TRRAP: variants seen among roughly 807,000 people sequenced by gnomAD.
TRRAP encodes transformation/transcription domain associated protein.
A neutral mutation model predicts 438.8 loss-of-function variants in TRRAP; 41 were observed. The observed-to-expected ratio is 0.09, with a 90% confidence interval of 0.07 to 0.12. The LOEUF (loss-of-function observed/expected upper bound fraction) is 0.12. TRRAP is among the 10% of genes least tolerant of loss of function. TRRAP has a pLI of 1.00. For synonymous variants in TRRAP, 1,994 were observed against 1,962.9 expected (o/e 1.02, Z -0.42); for missense variants, 3,122 against 5,055.1 (o/e 0.62, Z 11.60).
chr7:98,950,105 G>A lies in TRRAP; in HGVS notation c.5177G>A (p.Arg1726Gln), dbSNP rs1791265663. Residue 1726 changes from arginine (R) to glutamine (Q), a missense_variant, in exon 38 of 73, where the codon CGA (arginine) becomes CAA (glutamine). Arg to Gln is a conservative substitution (Grantham distance 43, BLOSUM62 1). This residue lies in a region of TRRAP where 272 missense variants were observed against 348.5 expected (regional missense o/e 0.78). Coordinates refer to ENST00000456197, the MANE Select transcript of TRRAP (RefSeq NM_001375524.1). Reference sequence around the variant, plus strand: ...ATAGAATTGCTGTTCCAGCTGCTCCGAGCCTTTACTGGTCGTTTTCTCTGC... The same window carrying A: ...ATAGAATTGCTGTTCCAGCTGCTCCAAGCCTTTACTGGTCGTTTTCTCTGC... ...GDIELLFQLL[R>Q]AFTGRFLCNM... is the part of the protein sequence containing the mutation. The A allele has an allele frequency of 1.9e-6, 3 of 1,614,206 alleles. No individual in the cohort carries two copies. The highest frequency in any genetic ancestry group is 1.1e-5 in the South Asian group (1 of 91,080).
At chr7:99,006,554 G>C (rs1299130891) in intron 69 of TRRAP, among the ~76,000 whole-genome samples, 1 of 152,140 alleles carries the variant, frequency 6.6e-6, no homozygotes, top group African/African-American at 2.4e-5. Flanking sequence ...TTTCTTTATG[G>C]GTAGACGCCA....
Position 98,967,129 on chromosome 7 carries a change from C to T in TRRAP, c.7265C>T (p.Ala2422Val). 2 of 1,613,934 alleles carry T rather than the reference C, an allele frequency of 1.2e-6. No individual in the cohort carries two copies. Among genetic ancestry groups the T allele is most frequent in the Non-Finnish European group, 1.7e-6 (2 of 1,179,952 alleles). ...TTTCCGGAAGACCTTGAATTAAATGCCCAGTTTTTAGATCTTGTTAACTAT... is the reference window on the plus strand; with the variant it reads ...TTTCCGGAAGACCTTGAATTAAATGTCCAGTTTTTAGATCTTGTTAACTAT... Reference protein sequence around the residue: ...KRFPEDLELNAQFLDLVNYVY... With the variant: ...KRFPEDLELNVQFLDLVNYVY... Residue 2422 changes from alanine (A) to valine (V), a missense_variant, in exon 50 of 73, where the codon GCC becomes GTC. Coordinates refer to ENST00000456197, the MANE Select transcript of TRRAP (RefSeq NM_001375524.1).
At position 98,900,706 on chromosome 7, in the gene TRRAP, A is replaced by C; in HGVS notation, c.883A>C (p.Ile295Leu). ...IKTLSFLAYI[I>L]RIYQELVTKY... ...AACATTGTCATTTTTAGCTTACATTATCAGGATTTACCAGGTAAGGTCATT... is the reference window on the plus strand; with the variant it reads ...AACATTGTCATTTTTAGCTTACATTCTCAGGATTTACCAGGTAAGGTCATT... The change falls in exon 11 of 73, where the codon ATC becomes CTC. Residue 295 changes from isoleucine to leucine, a missense_variant. This residue lies in a region of TRRAP where 343 missense variants were observed against 564.0 expected (regional missense o/e 0.61). Transcript: ENST00000456197. 1 of 1,613,234 alleles carries C rather than the reference A, an allele frequency of 6.2e-7. No individual in the cohort carries two copies. The highest frequency in any genetic ancestry group is 8.5e-7 in the Non-Finnish European group (1 of 1,179,846).
At chr7:99,006,151 G>A (rs1220904146) in intron 69 of TRRAP, among the ~76,000 whole-genome samples, 2 of 152,128 alleles carry the variant, frequency 1.3e-5, no homozygotes, top group African/African-American at 4.8e-5. Context: ...TGAGTGGCCT[G>A]ATTGTACCGG....
In TRRAP at chr7:98,956,372, A is replaced by G. The variant is rs1791611481; in HGVS notation, c.6097-27A>G. 1.9e-6 allele frequency: 3 copies of G among 1,613,562 alleles called. No homozygotes were observed. Among genetic ancestry groups the G allele is most frequent in the Non-Finnish European group, 2.5e-6 (3 of 1,179,706 alleles). On this transcript the variant is annotated intron_variant, in intron 42 of 72. Coordinates refer to ENST00000456197, the MANE Select transcript of TRRAP (RefSeq NM_001375524.1). This position sits in a 1 kb window ranked among gnomAD's most constrained non-coding sequence, Gnocchi z 4.5. ...GACTTCTCCCTAGAAATCAGTCAGTAAAACCAAGCGCCTGTGTGTTTTTAA... is the reference window on the plus strand; with the variant it reads ...GACTTCTCCCTAGAAATCAGTCAGTGAAACCAAGCGCCTGTGTGTTTTTAA...
chr7:98,983,212 G>A (rs558838033), intron 59 of TRRAP, 52 bp from the exon 60 acceptor site: 34 of 1,498,646 alleles, frequency 2.3e-5, no homozygotes, highest in Admixed American at 1.5e-4. Flanking sequence ...TGTTTTTCCC[G>A]TTTGATCTTT....
chr7:98,990,866 A>G (rs1486766183), intron 64 of TRRAP, among the ~76,000 whole-genome samples: 1 of 152,242 alleles, frequency 6.6e-6, no homozygotes, highest in Non-Finnish European at 1.5e-5. Flanking sequence ...TTTCTTAAAC[A>G]TTTTCCCATA....
chr7:98,983,615 G>A (rs1793029514), intron 60 of TRRAP, 156 bp downstream of exon 60: 4 of 762,112 alleles, frequency 5.2e-6, no homozygotes, highest in African/African-American at 1.8e-5. Flanking sequence ...GGGTGGTAAT[G>A]GTACAGGGAA....
Position 98,910,559 on chromosome 7 carries a change from T to C in TRRAP, c.1764T>C (p.Ile588=). The C allele has an allele frequency of 6.2e-7, 1 of 1,613,988 alleles. No homozygotes were observed. The highest frequency in any genetic ancestry group is 2.2e-5 in the East Asian group (1 of 44,878). The part of the protein sequence containing the change: ...NKQLQPKETQ[I]YIKLVKYAMQ... ...AGTTACAACCCAAAGAGACACAGAT[T>C]TACATCAAACTTGTGAAATATGCAA... The change falls in exon 16 of 73, where the codon ATT becomes ATC. Residue 588 remains isoleucine (I), a synonymous_variant. Transcript: ENST00000456197.
At chr7:98,959,297 A>T (rs771437770) in intron 44 of TRRAP, 47 bp from the exon 45 acceptor site, 6 of 1,602,274 alleles carry the variant, frequency 3.7e-6, no homozygotes, top group Admixed American at 3.4e-5. Context: ...AATGACTGTA[A>T]ACTCGGATGC....
intron 58 of TRRAP, among the ~76,000 whole-genome samples, chr7:98,981,333 C>T (rs1232790521): frequency 6.6e-6 from 1 of 152,136 alleles, no homozygotes; most frequent in Non-Finnish European, 1.5e-5. Context: ...ACCTGGGAGG[C>T]AGAGGTTGCA....
intron 30 of TRRAP, among the ~76,000 whole-genome samples, chr7:98,940,469 A>G (rs900251263): frequency 1.3e-5 from 2 of 152,168 alleles, no homozygotes; most frequent in Non-Finnish European, 2.9e-5. Context: ...TTTAGTCCCC[A>G]GTCTAACCCT....
In TRRAP at chr7:98,948,697, G is replaced by T. The variant is rs1791194022; in HGVS notation, c.4788+12G>T. ...GCAGAATGTTTATGGTAAGAGCTGT[G>T]AGCAGCTGGAGTCAGGGGTCCCTTC... On this transcript the variant is annotated intron_variant, in intron 35 of 72. Transcript: ENST00000456197. This position sits in a 1 kb window ranked among gnomAD's most constrained non-coding sequence, Gnocchi z 4.9. The T allele has an allele frequency of 1.9e-6, 3 of 1,614,064 alleles. No homozygotes were observed. Among genetic ancestry groups the T allele is most frequent in the Non-Finnish European group, 2.5e-6 (3 of 1,179,970 alleles).
intron 31 of TRRAP, among the ~76,000 whole-genome samples, chr7:98,944,411 T>C (rs1790947571): frequency 6.6e-6 from 1 of 151,790 alleles, no homozygotes; most frequent in Non-Finnish European, 1.5e-5. Context: ...GAGGTGGGGG[T>C]GCAGTTGTAT....
At chr7:98,944,702 T>A (rs1790962845) in intron 31 of TRRAP, among the ~76,000 whole-genome samples, 1 of 152,080 alleles carries the variant, frequency 6.6e-6, no homozygotes, top group South Asian at 2.1e-4. Flanking sequence ...TGGAAAGTAG[T>A]TAGTTCCTGT....
chr7:98,992,095 A>T, intron 64 of TRRAP, 42 bp from the exon 65 acceptor site: 1 of 1,588,754 alleles, frequency 6.3e-7, no homozygotes, highest in Non-Finnish European at 8.6e-7. Context: ...TCCAGAGCTC[A>T]GCAGAGAGCA....
At chr7:98,907,601 C>G (rs1234346825) in intron 13 of TRRAP, among the ~76,000 whole-genome samples, 1 of 152,210 alleles carries the variant, frequency 6.6e-6, no homozygotes, top group Admixed American at 6.5e-5. Context: ...CTGCTCGAAG[C>G]CCTCCAGTGG....
chr7:98,919,353 C>T (rs1489791423), intron 20 of TRRAP, among the ~76,000 whole-genome samples: 1 of 152,190 alleles, frequency 6.6e-6, no homozygotes, highest in African/African-American at 2.4e-5. Context: ...GTAATCCCAG[C>T]ACTTTGGGAG....
At chr7:98,879,593 C>T (rs545699880) in intron 1 of TRRAP, among the ~76,000 whole-genome samples, 2 of 152,272 alleles carry the variant, frequency 1.3e-5, no homozygotes, top group East Asian at 3.9e-4. Context: ...GTCCGTGACC[C>T]CCATGCCTTG....
Sources: allele counts gnomAD v4.1 joint callset (sites outside exome capture counted in the v4.1 genomes callset), GRCh38; gene constraint gnomAD v4.1.1; regional missense constraint gnomAD v4.1.1; non-coding constraint Gnocchi (gnomAD v3.1); transcripts MANE v1.5; gene names NCBI Gene and HGNC (gene_info 2026-07-23, HGNC 2026-07-21).